SENP3: variants seen among roughly 807,000 people sequenced by gnomAD.
SENP3 encodes the protein SUMO specific peptidase 3, also known as sentrin-specific protease 3.
Under a neutral mutation model 66.2 loss-of-function variants are expected in SENP3, and 11 were observed. The observed-to-expected ratio is 0.17, with a 90% CI of 0.10 to 0.28. The LOEUF is 0.28. Among genes scored for constraint, SENP3 ranks in the 10% least tolerant of loss-of-function variants. The pLI is 1.00. For synonymous variants in SENP3, 292 were observed against 277.6 expected (o/e 1.05, Z -0.52); for missense variants, 548 against 743.7 (o/e 0.74, Z 3.06).
Position 7,563,456 on chromosome 17 carries a change from G to T in SENP3, c.380G>T (p.Arg127Leu), listed in dbSNP as rs780025968. ...THRKTCSQRR[R>L]RAMRAFRMLL... ...CGAAAAACCTGCTCACAGCGCCGCC[G>T]CCGAGCCATGAGAGCCTTCCGGATG... The change falls in exon 2 of 11, where the codon CGC becomes CTC. Residue 127 changes from arginine (R) to leucine (L), a missense_variant. Physicochemically the swap from Arg to Leu is moderately radical, Grantham distance 102. This residue lies in a region of SENP3 where 164 missense variants were observed against 167.9 expected (regional missense o/e 0.98). Transcript: ENST00000321337. 2 of 1,267,458 alleles carry T rather than the reference G, an allele frequency of 1.6e-6. No homozygotes were observed. The highest frequency in any genetic ancestry group is 4.8e-5 in the Admixed American group (2 of 41,786). 78.5% of individuals were successfully genotyped at this position (1,267,458 alleles called of 1,614,324 possible). A position where few individuals can be genotyped will look rare whatever the true frequency, so the allele number is the denominator to read the frequency against.
intron 5 of SENP3, 33 bp from the exon 6 acceptor site, chr17:7,565,684 T>C: frequency 6.2e-7 from 1 of 1,613,690 alleles, no homozygotes; most frequent in Non-Finnish European, 8.5e-7. Flanking sequence ...TGCCGCACCC[T>C]CCATGGCAAG....
Position 7,563,310 on chromosome 17 carries a change from G to A in SENP3, c.234G>A (p.Glu78=). 2 of 1,552,878 alleles carry A rather than the reference G, an allele frequency of 1.3e-6. No individual in the cohort carries two copies. Among genetic ancestry groups the A allele is most frequent in the Non-Finnish European group, 1.7e-6 (2 of 1,147,580 alleles). Residue 78 remains glutamate (E), a synonymous_variant, in exon 2 of 11, where the codon GAG becomes GAA. Transcript: ENST00000321337. The part of the protein sequence containing the change: ...PSFDASASEE[E]EEEEEEEDED... Reference sequence around the variant, plus strand: ...TTGATGCCTCAGCAAGTGAAGAGGAGGAAGAAGAGGAGGAGGAGGAGGATG... The same window carrying A: ...TTGATGCCTCAGCAAGTGAAGAGGAAGAAGAAGAGGAGGAGGAGGAGGATG...
chr17:7,563,290 G>A lies in SENP3; in HGVS notation c.214G>A (p.Ala72Thr), dbSNP rs983935984. ...RLPVPRPSFD[A>T]SASEEEEEEE... Reference sequence around the variant, plus strand: ...CCCTGTCCCCCGACCCTCTTTTGATGCCTCAGCAAGTGAAGAGGAGGAAGA... The same window carrying A: ...CCCTGTCCCCCGACCCTCTTTTGATACCTCAGCAAGTGAAGAGGAGGAAGA... The change falls in exon 2 of 11, where the codon GCC (alanine) becomes ACC (threonine). Residue 72 changes from alanine (A) to threonine (T), a missense_variant. Coordinates refer to ENST00000321337, the MANE Select transcript of SENP3 (RefSeq NM_015670.6). 10 of 1,553,238 alleles carry A rather than the reference G, an allele frequency of 6.4e-6. No homozygotes were observed. The highest frequency in any genetic ancestry group is 8.7e-6 in the Non-Finnish European group (10 of 1,147,918).
chr17:7,571,571 C>T lies in SENP3; in HGVS notation c.*88C>T. 1 of 804,204 alleles carries T rather than the reference C, an allele frequency of 1.2e-6. No homozygotes were observed. The highest frequency in any genetic ancestry group is 2.1e-6 in the Non-Finnish European group (1 of 477,788). The allele number at this position is 804,204 out of a possible 1,614,324, so 49.8% of individuals were successfully genotyped here. A position where few individuals can be genotyped will look rare whatever the true frequency, so the allele number is the denominator to read the frequency against. ...AAACTCCAGTTCCTTTCCTCTCTTG[C>T]CTCTTCCCACTCACTTCCCTTTGGT... is the stretch of plus-strand genomic sequence containing the variant. On this transcript the variant is annotated 3_prime_UTR_variant, in exon 11 of 11. Coordinates refer to ENST00000321337, the MANE Select transcript of SENP3 (RefSeq NM_015670.6).
intron 6 of SENP3, chr17:7,566,029 G>A (rs2071264695): frequency 1.2e-5 from 4 of 342,196 alleles, no homozygotes; most frequent in Non-Finnish European, 2.1e-5. Flanking sequence ...TGTAAAACAA[G>A]ATTTAAAAAA....
chr17:7,564,460 T>C (rs976244982), intron 2 of SENP3, 165 bp from the exon 3 acceptor site: 1 of 946,592 alleles, frequency 1.1e-6, no homozygotes, highest in Non-Finnish European at 1.7e-6. Context: ...GTTTATCTCA[T>C]GCTTATGGGG....
chr17:7,567,280 GC>G lies in SENP3; in HGVS notation c.1341+278del, dbSNP rs1242798074. ...CCTGTAATCCCCAGCACTTTGGGAG[GC>G]CAACACGGGCGGATCACCTGAGGTC... On this transcript the variant is annotated intron_variant, in intron 7 of 10. Transcript: ENST00000321337. Among the ~76,000 whole-genome samples the G allele has an allele frequency of 2.0e-5, 3 of 152,312 alleles. No homozygotes were observed. The East Asian group carries it at 5.8e-4, about 29-fold the overall frequency.
rs1442486031 is a variant in SENP3, at chr17:7,563,661, C to T, written c.585C>T (p.Pro195=). Reference sequence around the variant, plus strand: ...ACTCCCCCCGGGGGCCACCTCCACCCCGGCTGGGTCTGCTAGGTGCTCTCA... The same window carrying T: ...ACTCCCCCCGGGGGCCACCTCCACCTCGGCTGGGTCTGCTAGGTGCTCTCA... ...RFDSPRGPPP[P]RLGLLGALMA... Residue 195 remains proline, a synonymous_variant, in exon 2 of 11, where the codon CCC becomes CCT. Coordinates refer to ENST00000321337, the MANE Select transcript of SENP3 (RefSeq NM_015670.6). The T allele has an allele frequency of 1.2e-6, 2 of 1,611,498 alleles. No homozygotes were observed.
At chr17:7,566,556 C>T (rs900225448) in intron 6 of SENP3, among the ~76,000 whole-genome samples, 2 of 150,758 alleles carry the variant, frequency 1.3e-5, no homozygotes, top group Non-Finnish European at 3.0e-5. Flanking sequence ...GTCCCAGCTA[C>T]TCGGGAGGCT....
rs1475910358 is a variant in SENP3, at chr17:7,561,939, C to T, written c.-336C>T. The T allele has an allele frequency of 4.9e-5, 19 of 390,062 alleles. No homozygotes were observed. The highest frequency in any genetic ancestry group is 7.3e-5 in the Non-Finnish European group (16 of 220,198). 24.2% of individuals were successfully genotyped at this position (390,062 alleles called of 1,614,324 possible). A position where few individuals can be genotyped will look rare whatever the true frequency, so the allele number is the denominator to read the frequency against. On this transcript the variant is annotated 5_prime_UTR_variant, in exon 1 of 11. Coordinates refer to ENST00000321337, the MANE Select transcript of SENP3 (RefSeq NM_015670.6). The surrounding 1 kb of genome is among the most constrained non-coding windows in gnomAD (Gnocchi z 4.4). The stretch of plus-strand genomic sequence containing the variant: ...CGGGTGTGACGTACTAATCGTGCGC[C>T]ACCGCTGCCGGTGGGCCCGGGGCTC...
At position 7,571,887 on chromosome 17, in the gene SENP3, AT is replaced by A. The variant is rs1567731489; in HGVS notation, c.*405del. 3.8e-3 allele frequency: 45 copies of A among 11,944 alleles called. 3 individuals carry two copies. Among genetic ancestry groups the A allele is most frequent in the Non-Finnish European group, 4.6e-3 (23 of 4,956 alleles). 0.7% of individuals were successfully genotyped at this position (11,944 alleles called of 1,614,324 possible). ...TATATATATATATATATATATATAT[AT>A]ATATATATATATATATATATAAAAA... is the stretch of plus-strand genomic sequence containing the variant. On this transcript the variant is annotated 3_prime_UTR_variant, in exon 11 of 11. Coordinates refer to ENST00000321337, the MANE Select transcript of SENP3 (RefSeq NM_015670.6).
chr17:7,571,431 A>T lies in SENP3; in HGVS notation c.1673A>T (p.Lys558Ile). The T allele has an allele frequency of 1.2e-6, 2 of 1,605,504 alleles. No homozygotes were observed. The highest frequency in any genetic ancestry group is 1.1e-5 in the South Asian group (1 of 89,908). The change falls in exon 11 of 11, where the codon AAA (lysine) becomes ATA (isoleucine). Residue 558 changes from lysine (K) to isoleucine (I), a missense_variant. Coordinates refer to ENST00000321337, the MANE Select transcript of SENP3 (RefSeq NM_015670.6). ...AGCTTCACCCAGCAGGACATGCCCA[A>T]ACTTCGTCGGCAGATCTACAAGGAG... ...PFSFTQQDMP[K>I]LRRQIYKELC...
At chr17:7,563,846 G>T (rs913414818) in intron 2 of SENP3, 55 bp downstream of exon 2, 1 of 1,429,108 alleles carries the variant, frequency 7.0e-7, no homozygotes. Context: ...AGGGTTAAGA[G>T]CCTGGAGCAC....
rs1193849903 is a variant in SENP3, at chr17:7,563,101, G to A, written c.25G>A (p.Gly9Arg). ...GATGAAAGAGACTATACAAGGGACC[G>A]GGTCCTGGGGGCCTGAGCCTCCTGG... Reference protein sequence around the residue: MKETIQGTGSWGPEPPGPG... With the variant: MKETIQGTRSWGPEPPGPG... The change falls in exon 2 of 11, where the codon GGG (glycine) becomes AGG (arginine). Residue 9 changes from glycine (G) to arginine (R), a missense_variant. Gly to Arg is a moderately radical substitution (Grantham distance 125, BLOSUM62 -2). This residue lies in a region of SENP3 where 164 missense variants were observed against 167.9 expected (regional missense o/e 0.98). Transcript: ENST00000321337. 1.3e-6 allele frequency: 2 copies of A among 1,515,036 alleles called. No homozygotes were observed. The highest frequency in any genetic ancestry group is 1.8e-6 in the Non-Finnish European group (2 of 1,133,718). 93.8% of individuals were successfully genotyped at this position (1,515,036 alleles called of 1,614,324 possible). A position where few individuals can be genotyped will look rare whatever the true frequency, so the allele number is the denominator to read the frequency against.
intron 4 of SENP3, 69 bp from the exon 5 acceptor site, chr17:7,565,371 G>T (rs8068222): frequency 0.36 from 560,558 of 1,554,560 alleles, 106,297 homozygotes; most frequent in Middle Eastern, 0.51. Flanking sequence ...GTATTCCAGG[G>T]AGTAGTAGGT....
chr17:7,566,669 T>TAAA lies in SENP3; in HGVS notation c.1264-245_1264-243dup, dbSNP rs34349099. Among the ~76,000 whole-genome samples the TAAA allele has an allele frequency of 1.9e-4, 26 of 135,890 alleles. 1 individual carries two copies. Among genetic ancestry groups the TAAA allele is most frequent in the African/African-American group, 4.0e-4 (14 of 35,316 alleles). 89.1% of individuals were successfully genotyped at this position (135,890 alleles called of 152,430 possible). On this transcript the variant is annotated intron_variant, in intron 6 of 10. Coordinates refer to ENST00000321337, the MANE Select transcript of SENP3 (RefSeq NM_015670.6). ...CGACAGAGCAAGGCCCTGCCTCAAA[T>TAAA]AAAAAAAAAAAAAAAGCCTGGTTTG...
intron 4 of SENP3, 176 bp downstream of exon 4, chr17:7,565,246 G>C (rs2071258629): frequency 1.2e-6 from 1 of 809,334 alleles, no homozygotes; most frequent in African/African-American, 1.7e-5. Flanking sequence ...TCTTTACCTG[G>C]GACCCTGAAA....
chr17:7,565,062 C>A lies in SENP3; in HGVS notation c.1059C>A (p.Thr353=). The change falls in exon 4 of 11, where the codon ACC becomes ACA. Residue 353 remains threonine (T), a synonymous_variant. Transcript: ENST00000321337. Reference sequence around the variant, plus strand: ...ACATTTTCCAGCAGGAGTTTTCCACCCCTTCCAGGTGAGGCTTGAAAGCCC... The same window carrying A: ...ACATTTTCCAGCAGGAGTTTTCCACACCTTCCAGGTGAGGCTTGAAAGCCC... ...LEDIFQQEFS[T]PSRKGLVLQL... is the part of the protein sequence containing the mutation. 6.2e-7 allele frequency: 1 copy of A among 1,611,016 alleles called. No individual in the cohort carries two copies. The highest frequency in any genetic ancestry group is 8.5e-7 in the Non-Finnish European group (1 of 1,177,384).
In SENP3 at chr17:7,561,995, T is replaced by TGGC. The variant is rs1041808771; in HGVS notation, c.-268_-266dup. On this transcript the variant is annotated 5_prime_UTR_variant, in exon 1 of 11. Transcript: ENST00000321337. The surrounding 1 kb of genome is among the most constrained non-coding windows in gnomAD (Gnocchi z 4.4). ...AGGGGAAGGAGGAGGGGGGGAGGAGTGGCGGCGGCGGCGGTGGCGCTGGTG... is the reference window on the plus strand; with the variant it reads ...AGGGGAAGGAGGAGGGGGGGAGGAGTGGCGGCGGCGGCGGCGGTGGCGCTGGTG... 90 of 388,612 alleles carry TGGC rather than the reference T, an allele frequency of 2.3e-4. No homozygotes were observed. Among genetic ancestry groups the TGGC allele is most frequent in the Non-Finnish European group, 2.3e-4 (52 of 222,608 alleles). The allele number at this position is 388,612 out of a possible 1,614,324, so 24.1% of individuals were successfully genotyped here.
Sources: allele counts gnomAD v4.1 joint callset (sites outside exome capture counted in the v4.1 genomes callset), GRCh38; gene constraint gnomAD v4.1.1; regional missense constraint gnomAD v4.1.1; non-coding constraint Gnocchi (gnomAD v3.1); transcripts MANE v1.5; gene names NCBI Gene and HGNC (gene_info 2026-07-23, HGNC 2026-07-21).